The following DNAJC2 variants were observed in gnomAD, a reference collection of about 807,000 sequenced individuals.
The protein encoded by DNAJC2 is dnaJ homolog subfamily C member 2.
Under a neutral mutation model 94.0 loss-of-function variants are expected in DNAJC2, and 32 were observed. That is an observed-to-expected ratio of 0.34 (90% CI 0.26 to 0.46). The LOEUF is 0.46. DNAJC2 is among the 20% of genes least tolerant of loss of function. The pLI, the probability that DNAJC2 is intolerant of heterozygous loss-of-function variation, is 1.00. For missense variants in DNAJC2, 550 were observed against 719.5 expected (o/e 0.76, Z 2.69); for synonymous variants, 210 against 229.7 (o/e 0.91, Z 0.77).
chr7:103,325,984 T>C (rs1013862277), intron 5 of DNAJC2, among the ~76,000 whole-genome samples: 3 of 152,286 alleles, frequency 2.0e-5, no homozygotes, highest in African/African-American at 7.2e-5. Flanking sequence ...ATACTGTTAT[T>C]TCTCTCAAAG....
chr7:103,330,495 C>T (rs1363592888), intron 3 of DNAJC2, among the ~76,000 whole-genome samples: 1 of 151,932 alleles, frequency 6.6e-6, no homozygotes, highest in African/African-American at 2.4e-5. Context: ...TCTTGTTGCC[C>T]AGGCTGGAGT....
chr7:103,313,985 T>C (rs1817903306), intron 15 of DNAJC2: 6 of 985,282 alleles, frequency 6.1e-6, no homozygotes, highest in Non-Finnish European at 7.2e-6. Context: ...TGTTAAAAGT[T>C]AAGCCTAGAA....
At chr7:103,344,323 G>A (rs1563478021) in intron 1 of DNAJC2, 1 of 581,640 alleles carries the variant, frequency 1.7e-6, no homozygotes, top group East Asian at 2.9e-5. Flanking sequence ...AGTCAGCAGC[G>A]GCGAGAGGAG....
At chr7:103,318,353 TTTTG>T (rs1451779992) in intron 12 of DNAJC2, among the ~76,000 whole-genome samples, 5 of 152,088 alleles carry the variant, frequency 3.3e-5, no homozygotes, top group African/African-American at 7.2e-5. Context: ...TCGGTAGAGA[TTTTG>T]TTTATGTTGC....
In DNAJC2 at chr7:103,312,780, A is replaced by G. The variant is rs2115733537; in HGVS notation, c.1792-137T>C. On this transcript the variant is annotated intron_variant, in intron 16 of 16. Coordinates refer to ENST00000379263, the MANE Select transcript of DNAJC2 (RefSeq NM_014377.3). ...CTGATTTCATTATCTGCCAGGGCCT[A>G]GAAAGTTTCTAAGGTTGCTCATTTC... is the stretch of plus-strand genomic sequence containing the variant. 13 of 1,511,648 alleles carry G rather than the reference A, an allele frequency of 8.6e-6. No homozygotes were observed. The East Asian group carries it at 3.0e-4, about 35-fold the overall frequency. The allele number at this position is 1,511,648 out of a possible 1,614,324, so 93.6% of individuals were successfully genotyped here. A position where few individuals can be genotyped will look rare whatever the true frequency, so the allele number is the denominator to read the frequency against.
chr7:103,331,118 A>G (rs1818951910), intron 3 of DNAJC2, among the ~76,000 whole-genome samples: 1 of 151,332 alleles, frequency 6.6e-6, no homozygotes, highest in African/African-American at 2.4e-5. Context: ...CACCACGCTC[A>G]GCTAATTTTT....
chr7:103,323,600 T>C lies in DNAJC2; in HGVS notation c.717A>G (p.Glu239=), dbSNP rs1454717847. ...TTATTAATGATTTGCATACATACCA[T>C]TCTGCTTTTTCTTTTTCTTCTTCAT... ...YLDEEEKEKA[E]CRDERRWIEK... The change falls in exon 7 of 17, where the codon GAA becomes GAG. Residue 239 remains glutamate (E), a splice_region_variant and synonymous_variant. Coordinates refer to ENST00000379263, the MANE Select transcript of DNAJC2 (RefSeq NM_014377.3). The C allele has an allele frequency of 6.8e-7, 1 of 1,471,360 alleles. No individual in the cohort carries two copies. Among genetic ancestry groups the C allele is most frequent in the South Asian group, 1.3e-5 (1 of 78,968 alleles). The allele number at this position is 1,471,360 out of a possible 1,614,324, so 91.1% of individuals were successfully genotyped here.
intron 10 of DNAJC2, among the ~76,000 whole-genome samples, chr7:103,321,242 G>A (rs779366266): frequency 4.6e-5 from 7 of 152,032 alleles, no homozygotes; most frequent in Non-Finnish European, 1.0e-4. Flanking sequence ...TTTTGGCTGG[G>A]CACAGGTGGC....
At chr7:103,319,889 T>C (rs1055803857) in intron 10 of DNAJC2, 45 bp from the exon 11 acceptor site, 1 of 1,589,402 alleles carries the variant, frequency 6.3e-7, no homozygotes, top group Non-Finnish European at 8.6e-7. Context: ...CAAAAATACA[T>C]CCATCAACAT....
At chr7:103,322,678 G>T (rs1316861851) in intron 8 of DNAJC2, 25 bp downstream of exon 8, 2 of 1,612,176 alleles carry the variant, frequency 1.2e-6, no homozygotes, top group African/African-American at 2.7e-5. Flanking sequence ...CTAACATTTA[G>T]GGGACTTAAA....
chr7:103,338,110 A>AT (rs1554571021), intron 2 of DNAJC2, among the ~76,000 whole-genome samples: 2 of 151,968 alleles, frequency 1.3e-5, no homozygotes, highest in Non-Finnish European at 2.9e-5. Flanking sequence ...CTACAAAAAA[A>AT]TTTTTAAAAA....
chr7:103,337,683 C>A (rs1819226988), intron 3 of DNAJC2, 53 bp downstream of exon 3: 1 of 1,383,300 alleles, frequency 7.2e-7, no homozygotes, highest in African/African-American at 1.4e-5. Flanking sequence ...AAAGCATAGC[C>A]AGCCTGTTCC....
chr7:103,330,890 T>C (rs1216783766), intron 3 of DNAJC2, among the ~76,000 whole-genome samples: 2 of 151,994 alleles, frequency 1.3e-5, no homozygotes, highest in Non-Finnish European at 2.9e-5. Flanking sequence ...CCACTATTTT[T>C]TCATGATACA....
chr7:103,321,846 TA>T, intron 10 of DNAJC2, 85 bp downstream of exon 10: 14 of 1,484,940 alleles, frequency 9.4e-6, no homozygotes, highest in Non-Finnish European at 1.1e-5. Flanking sequence ...AGACCCCATC[TA>T]AAAAACAAAC....
At chr7:103,337,700 A>ATAG in intron 3 of DNAJC2, 36 bp downstream of exon 3, 1 of 1,519,884 alleles carries the variant, frequency 6.6e-7, no homozygotes, top group South Asian at 1.1e-5. Context: ...TTCCTATACA[A>ATAG]GATATTTGAT....
intron 3 of DNAJC2, chr7:103,329,034 T>A: frequency 1.6e-6 from 2 of 1,247,830 alleles, no homozygotes; most frequent in African/African-American, 1.6e-5. Flanking sequence ...TACCACAGCC[T>A]CAGCCACAGT....
At chr7:103,327,614 CAATT>C in intron 4 of DNAJC2, 38 bp downstream of exon 4, 1 of 1,272,104 alleles carries the variant, frequency 7.9e-7, no homozygotes, top group Non-Finnish European at 1.1e-6. Context: ...TAATAAATAA[CAATT>C]ACTATTAGAA....
intron 5 of DNAJC2, chr7:103,324,773 G>C: frequency 6.2e-6 from 2 of 324,892 alleles, no homozygotes; most frequent in Non-Finnish European, 1.1e-5. Flanking sequence ...AGATAGACTG[G>C]GGTGAGGAGA....
chr7:103,317,648 TTTTC>T (rs750169458), intron 12 of DNAJC2, among the ~76,000 whole-genome samples: 14 of 152,080 alleles, frequency 9.2e-5, no homozygotes, highest in Non-Finnish European at 2.1e-4. Context: ...TGCAGGTTCT[TTTTC>T]TTTCTTTCTT....
Sources: allele counts gnomAD v4.1 joint callset (sites outside exome capture counted in the v4.1 genomes callset), GRCh38; gene constraint gnomAD v4.1.1; transcripts MANE v1.5; gene names NCBI Gene and HGNC (gene_info 2026-07-23, HGNC 2026-07-21).